Variants in SNX29 observed in about 807,000 individuals in gnomAD.
SNX29 encodes sorting nexin-29.
Under a neutral mutation model 102.1 loss-of-function variants are expected in SNX29, and 78 were observed. That is an observed-to-expected ratio of 0.76 (90% CI 0.64 to 0.92). The LOEUF (loss-of-function observed/expected upper bound fraction) is 0.92, where lower values mean the gene tolerates loss of function less well. Among genes scored for constraint, SNX29 ranks in the 40% least tolerant of loss-of-function variants. The probability of loss-of-function intolerance (pLI) is 0.00; values close to 1 mark genes in which losing one functional copy is unlikely to be tolerated. For missense variants in SNX29, 1,280 were observed against 1,061.7 expected, an observed-to-expected ratio of 1.21 and a Z score of -2.86; for synonymous variants, 580 against 414.5, an observed-to-expected ratio of 1.40 and a Z score of -4.85.
chr16:12,103,583 A>C (rs560807209), intron 11 of SNX29, among the ~76,000 whole-genome samples: 73 of 152,388 alleles, frequency 4.8e-4, no homozygotes, highest in Non-Finnish European at 7.8e-4. Context: ...TAAAACCATA[A>C]CAATTCTGGA....
chr16:12,522,587 G>C (rs551423599), intron 19 of SNX29, among the ~76,000 whole-genome samples: 5 of 152,096 alleles, frequency 3.3e-5, no homozygotes, highest in Non-Finnish European at 7.4e-5. Context: ...ATGACAGTGA[G>C]TTCTCATGAG....
At chr16:12,008,333 G>A (rs867198349) in intron 3 of SNX29, among the ~76,000 whole-genome samples, 89 of 151,932 alleles carry the variant, frequency 5.9e-4, no homozygotes, top group African/African-American at 2.1e-3. Context: ...GCAATGGCGC[G>A]ATCTTGGCTC....
intron 10 of SNX29, 50 bp downstream of exon 10, chr16:12,069,182 C>T: frequency 1.3e-6 from 2 of 1,482,644 alleles, no homozygotes; most frequent in African/African-American, 1.4e-5. Flanking sequence ...ATCCTATTCA[C>T]AGCTGTGCAT....
intron 16 of SNX29, among the ~76,000 whole-genome samples, chr16:12,365,079 C>T (rs145188489): frequency 1.8e-4 from 28 of 152,310 alleles, no homozygotes; most frequent in Non-Finnish European, 3.5e-4. Flanking sequence ...AGGCACACAG[C>T]TTCATGGTAG....
chr16:12,288,355 T>C (rs980811564), intron 15 of SNX29, among the ~76,000 whole-genome samples: 4 of 151,570 alleles, frequency 2.6e-5, no homozygotes, highest in Non-Finnish European at 5.9e-5. Flanking sequence ...TCTCTAGAAA[T>C]TTCTGCATAA....
chr16:12,420,988 A>G lies in SNX29; in HGVS notation c.2037+17459A>G, dbSNP rs142137837. ...CTGTTAGTCCTGTGTACTAGGTGCTATGCGGGGTACTTTTTCTGCGATACC... is the reference window on the plus strand; with the variant it reads ...CTGTTAGTCCTGTGTACTAGGTGCTGTGCGGGGTACTTTTTCTGCGATACC... On this transcript the variant is annotated intron_variant, in intron 18 of 20. Transcript: ENST00000566228. 1.1e-4 allele frequency among the ~76,000 whole-genome samples: 17 copies of G among 152,326 alleles called. No homozygotes were observed. In the East Asian group the frequency reaches 3.3e-3, roughly 29 times the overall value.
At chr16:12,203,376 A>AGCTCTG (rs1567307530) in intron 14 of SNX29, among the ~76,000 whole-genome samples, 123 of 149,008 alleles carry the variant, frequency 8.3e-4, no homozygotes, top group South Asian at 1.1e-3. Flanking sequence ...TGGAGGTGAC[A>AGCTCTG]ACTCTGAAGT....
intron 14 of SNX29, among the ~76,000 whole-genome samples, chr16:12,261,543 GAGTA>G (rs1160150524): frequency 7.3e-6 from 1 of 137,454 alleles, no homozygotes; most frequent in Non-Finnish European, 1.6e-5. Flanking sequence ...TCCCCGGCTG[GAGTA>G]AGTGTTTGCT....
At chr16:12,198,110 A>G (rs966353468) in intron 13 of SNX29, among the ~76,000 whole-genome samples, 1 of 152,174 alleles carries the variant, frequency 6.6e-6, no homozygotes, top group Admixed American at 6.5e-5. Flanking sequence ...AAACATTTAT[A>G]CTATCCTGTC....
chr16:12,105,203 T>TCCTTCCTC (rs1355246835), intron 11 of SNX29, among the ~76,000 whole-genome samples: 16 of 143,216 alleles, frequency 1.1e-4, no homozygotes, highest in African/African-American at 4.1e-4. Context: ...CTTCCTCCCT[T>TCCTTCCTC]CCTCCCTCCC....
intron 4 of SNX29, among the ~76,000 whole-genome samples, chr16:12,034,447 G>T (rs1019849910): frequency 6.6e-6 from 1 of 152,202 alleles, no homozygotes; most frequent in African/African-American, 2.4e-5. Flanking sequence ...TGAAAAAAGT[G>T]GTTGACAACT....
At chr16:12,476,415 TATATATATATATATA>T (rs1567603377) in intron 18 of SNX29, among the ~76,000 whole-genome samples, 7 of 18,006 alleles carry the variant, frequency 3.9e-4, no homozygotes, top group Non-Finnish European at 6.4e-4. Context: ...TATATATACA[TATATATATATATATA>T]TATATATATA....
At chr16:12,557,781 A>C (rs77881503) in intron 20 of SNX29, 1 of 152,210 alleles carries the variant, frequency 6.6e-6, no homozygotes, top group Admixed American at 6.5e-5. Context: ...TTTCAGCTCC[A>C]TCACGATCTT....
At chr16:12,206,193 C>G (rs771392385) in intron 14 of SNX29, among the ~76,000 whole-genome samples, 2 of 152,154 alleles carry the variant, frequency 1.3e-5, no homozygotes, top group Non-Finnish European at 2.9e-5. Flanking sequence ...TGACAGGAGT[C>G]ATACAATCTG....
chr16:12,190,014 C>G (rs751569188), intron 13 of SNX29, among the ~76,000 whole-genome samples: 2 of 152,172 alleles, frequency 1.3e-5, no homozygotes, highest in Non-Finnish European at 2.9e-5. Context: ...CTCCAGTTAT[C>G]AGTAATATAT....
At chr16:12,204,425 G>A (rs1227615252) in intron 14 of SNX29, among the ~76,000 whole-genome samples, 2 of 152,220 alleles carry the variant, frequency 1.3e-5, no homozygotes, top group Admixed American at 6.5e-5. Flanking sequence ...CTCCTGTGCT[G>A]TAAAGCTTTT....
At chr16:12,526,674 C>T (rs924998029) in intron 20 of SNX29, 36 of 506,628 alleles carry the variant, frequency 7.1e-5, no homozygotes, top group Admixed American at 1.3e-4. Flanking sequence ...CATCACGCAT[C>T]GACTGAATTC....
intron 14 of SNX29, among the ~76,000 whole-genome samples, chr16:12,211,103 G>C (rs572116942): frequency 6.6e-6 from 1 of 152,202 alleles, no homozygotes; most frequent in Admixed American, 6.5e-5. Flanking sequence ...TGGGAAGTTA[G>C]GTTATTTGAT....
At chr16:12,378,327 C>G (rs893845085) in intron 16 of SNX29, among the ~76,000 whole-genome samples, 24 of 152,036 alleles carry the variant, frequency 1.6e-4, no homozygotes, top group African/African-American at 5.8e-4. Flanking sequence ...GGGGAGGTGC[C>G]AGGTTCTTTA....
Sources: gnomAD v4.1 joint callset for allele counts (sites outside exome capture counted in the v4.1 genomes callset) on GRCh38, gnomAD v4.1.1 for gene constraint, MANE v1.5 for transcripts, NCBI Gene and HGNC (gene_info 2026-07-23, HGNC 2026-07-21) for gene names.